Variants in CALN1 observed in about 807,000 individuals in gnomAD.
The protein encoded by CALN1 is calneuron 1.
A neutral mutation model predicts 30.6 loss-of-function variants in CALN1; 17 were observed. The ratio of observed to expected loss-of-function variants is 0.56; its 90% confidence interval spans 0.38 to 0.83. CALN1 has a LOEUF of 0.83. Ranked by LOEUF, CALN1 falls within the 40% of genes least tolerant of loss-of-function variation. CALN1 has a pLI of 0.00. For synonymous variants in CALN1, 156 were observed against 131.4 expected (o/e 1.19, Z -1.28); for missense variants, 291 against 354.9 (o/e 0.82, Z 1.45).
intron 2 of CALN1, chr7:72,337,626 A>T (rs1295619190): frequency 6.6e-6 from 1 of 152,624 alleles, no homozygotes; most frequent in Non-Finnish European, 1.5e-5. Flanking sequence ...AGGTGCCCAC[A>T]CCCTAGATCC....
chr7:72,211,261 G>C (rs972486720), intron 3 of CALN1, among the ~76,000 whole-genome samples: 1 of 152,078 alleles, frequency 6.6e-6, no homozygotes, highest in African/African-American at 2.4e-5. Flanking sequence ...CAGAGAAGCT[G>C]GGCCAGGTAG....
At chr7:71,808,049 G>A (rs1787722651) in intron 6 of CALN1, among the ~76,000 whole-genome samples, 1 of 152,100 alleles carries the variant, frequency 6.6e-6, no homozygotes, top group African/African-American at 2.4e-5. Flanking sequence ...ACTCCAGCCT[G>A]GGTGACACAG....
chr7:71,996,199 C>T (rs1327141243), intron 5 of CALN1, among the ~76,000 whole-genome samples: 3 of 152,118 alleles, frequency 2.0e-5, no homozygotes, highest in Admixed American at 1.3e-4. Context: ...AAGATAACTG[C>T]CTACTAAAAG....
the CALN1 span, among the ~76,000 whole-genome samples, chr7:72,473,246 C>T: frequency 2.6e-5 from 4 of 151,982 alleles, no homozygotes; most frequent in African/African-American, 4.8e-5. Context: ...CCACCGTGCC[C>T]GGCCCAGCCT....
At position 72,278,712 on chromosome 7, in the gene CALN1, G is replaced by A; in HGVS notation, c.218C>T (p.Ala73Val). ...ATCGAGCTCCTCCACGGAGATATTA[G>A]CCAGCTGTTCGCTGTCACTGCCAGC... is the stretch of plus-strand genomic sequence containing the variant. ...LSAGSDSEQL[A>V]NISVEELDEI... The change falls in exon 3 of 7, where the codon GCT becomes GTT. Residue 73 changes from alanine to valine, a missense_variant. Ala to Val is a moderately conservative substitution (Grantham distance 64). Around this residue, in one of 2 missense-constraint regions of CALN1, gnomAD observed 122 missense variants for 103.2 expected, o/e 1.18. Transcript: ENST00000395275. 2 of 1,613,868 alleles carry A rather than the reference G, an allele frequency of 1.2e-6. No individual in the cohort carries two copies. The highest frequency in any genetic ancestry group is 1.7e-6 in the Non-Finnish European group (2 of 1,179,806).
At chr7:72,455,112 TGAGCCACC>T in the CALN1 span, among the ~76,000 whole-genome samples, 2 of 152,166 alleles carry the variant, frequency 1.3e-5, no homozygotes, top group Non-Finnish European at 2.9e-5. Flanking sequence ...ATTATAGGTG[TGAGCCACC>T]GCGCCCGGCC....
chr7:71,921,200 C>T (rs1445797551), intron 5 of CALN1, among the ~76,000 whole-genome samples: 1 of 152,068 alleles, frequency 6.6e-6, no homozygotes, highest in Admixed American at 6.6e-5. Flanking sequence ...ACACACACCG[C>T]AGCCTCTCAG....
intron 2 of CALN1, among the ~76,000 whole-genome samples, chr7:72,346,999 A>G (rs1488897247): frequency 6.6e-6 from 1 of 152,186 alleles, no homozygotes; most frequent in African/African-American, 2.4e-5. Flanking sequence ...GAATAGAGAA[A>G]AGAGAGTAAG....
At chr7:72,310,888 A>T (rs1488995075) in intron 2 of CALN1, among the ~76,000 whole-genome samples, 3 of 142,522 alleles carry the variant, frequency 2.1e-5, no homozygotes, top group Admixed American at 7.2e-5. Flanking sequence ...CAGCCTGGCG[A>T]CAGAGCAAGA....
intron 2 of CALN1, among the ~76,000 whole-genome samples, chr7:72,388,032 G>GT (rs1396653292): frequency 1.3e-5 from 2 of 152,112 alleles, no homozygotes; most frequent in African/African-American, 4.8e-5. Context: ...TGGTGCAAAA[G>GT]TAATTGTGGG....
intron 5 of CALN1, among the ~76,000 whole-genome samples, chr7:71,892,374 C>T (rs887464450): frequency 1.3e-5 from 2 of 152,274 alleles, no homozygotes; most frequent in South Asian, 2.1e-4. Context: ...CAGTGGCTCA[C>T]GCCTGTAATC....
intron 2 of CALN1, among the ~76,000 whole-genome samples, chr7:72,329,500 C>G (rs1174124349): frequency 6.6e-6 from 1 of 152,224 alleles, no homozygotes; most frequent in East Asian, 1.9e-4. Flanking sequence ...TCATCTCCTG[C>G]CACACCAGTC....
chr7:71,794,458 A>C (rs1004943585), intron 6 of CALN1, among the ~76,000 whole-genome samples: 3 of 152,210 alleles, frequency 2.0e-5, no homozygotes, highest in African/African-American at 7.2e-5. Flanking sequence ...CAGTCTGGGA[A>C]AAACTGTGAG....
intron 2 of CALN1, among the ~76,000 whole-genome samples, chr7:72,372,009 C>A (rs1804273698): frequency 6.6e-6 from 1 of 152,156 alleles, no homozygotes; most frequent in African/African-American, 2.4e-5. Flanking sequence ...CTCCTTCTGG[C>A]ATTTCTGAGA....
chr7:72,313,960 C>A (rs191172424), intron 2 of CALN1, among the ~76,000 whole-genome samples: 10 of 152,308 alleles, frequency 6.6e-5, no homozygotes, highest in Admixed American at 6.5e-4. Context: ...GTCTACACCA[C>A]AAATGAGCCA....
At chr7:72,409,800 A>C (rs1351555651) in intron 1 of CALN1, among the ~76,000 whole-genome samples, 1 of 152,102 alleles carries the variant, frequency 6.6e-6, no homozygotes, top group Non-Finnish European at 1.5e-5. Flanking sequence ...AATTCAAAGA[A>C]TCACCAAGGA....
At chr7:72,471,766 T>C in the CALN1 span, among the ~76,000 whole-genome samples, 5 of 152,182 alleles carry the variant, frequency 3.3e-5, no homozygotes, top group Non-Finnish European at 7.4e-5. Flanking sequence ...AGCAAGACAG[T>C]TGTCCACCAC....
At chr7:71,890,139 A>G (rs1793157850) in intron 5 of CALN1, among the ~76,000 whole-genome samples, 1 of 152,110 alleles carries the variant, frequency 6.6e-6, no homozygotes, top group African/African-American at 2.4e-5. Flanking sequence ...AGGTCTCACT[A>G]TGTCACTCAG....
chr7:71,819,210 CTT>C lies in CALN1; in HGVS notation c.502-8720_502-8719del, dbSNP rs113567992. On this transcript the variant is annotated intron_variant, in intron 5 of 6. Transcript: ENST00000395275. The stretch of plus-strand genomic sequence containing the variant: ...ATAACTAAAAATTTACTATTTTATT[CTT>C]TTTTTTTTTTTTTGAGACAGGGTTT... Among the ~76,000 whole-genome samples, 199 of 137,318 alleles carry C rather than the reference CTT, an allele frequency of 1.4e-3. 1 individual carries two copies. The highest frequency in any genetic ancestry group is 4.3e-3 in the African/African-American group (161 of 37,764). The allele number at this position is 137,318 out of a possible 152,430, so 90.1% of individuals were successfully genotyped here.
Sources: gnomAD v4.1 joint callset for allele counts (sites outside exome capture counted in the v4.1 genomes callset) on GRCh38, gnomAD v4.1.1 for gene constraint, gnomAD v4.1.1 regional missense constraint, MANE v1.5 for transcripts, NCBI Gene and HGNC (gene_info 2026-07-23, HGNC 2026-07-21) for gene names.